INTS13: variants seen among roughly 807,000 people sequenced by gnomAD.
The protein encoded by INTS13 is asunder, spermatogenesis regulator homolog (Drosphila).
In INTS13, 35 loss-of-function variants were observed where a neutral mutation model predicts 90.2. The observed-to-expected ratio is 0.39, with a 90% CI of 0.30 to 0.51. The LOEUF (loss-of-function observed/expected upper bound fraction) is 0.51. Ranked by LOEUF, INTS13 falls within the 20% of genes least tolerant of loss-of-function variation. The probability of loss-of-function intolerance (pLI) is 0.80; values close to 1 mark genes in which losing one functional copy is unlikely to be tolerated. For missense variants in INTS13, 601 were observed against 851.2 expected, an observed-to-expected ratio of 0.71 and a Z score of 3.66; for synonymous variants, 309 against 277.1, an observed-to-expected ratio of 1.11 and a Z score of -1.14.
At chr12:26,910,125 A>G (rs957021120) in intron 15 of INTS13, among the ~76,000 whole-genome samples, 5 of 152,224 alleles carry the variant, frequency 3.3e-5, no homozygotes, top group Non-Finnish European at 7.3e-5. Context: ...GAGGCTTTAC[A>G]GTGAAAATAT....
intron 16 of INTS13, among the ~76,000 whole-genome samples, 161 bp from the exon 17 acceptor site, chr12:26,905,697 T>C (rs1221276043): frequency 2.0e-5 from 3 of 152,182 alleles, no homozygotes; most frequent in African/African-American, 7.2e-5. Context: ...CTAGGCCAAT[T>C]TCTTCATTTT....
At chr12:26,931,322 T>C (rs1938177447) in intron 3 of INTS13, among the ~76,000 whole-genome samples, 1 of 152,058 alleles carries the variant, frequency 6.6e-6, no homozygotes, top group Admixed American at 6.5e-5. Flanking sequence ...CACACACCTG[T>C]AGTCCCAGTT....
intron 3 of INTS13, among the ~76,000 whole-genome samples, chr12:26,932,093 A>C (rs1224054787): frequency 1.3e-5 from 2 of 151,698 alleles, no homozygotes; most frequent in Non-Finnish European, 2.9e-5. Context: ...GTCTCAAAAA[A>C]AAAAAAAAAA....
At chr12:26,927,322 A>T (rs902994059) in intron 5 of INTS13, among the ~76,000 whole-genome samples, 1 of 152,210 alleles carries the variant, frequency 6.6e-6, no homozygotes, top group African/African-American at 2.4e-5. Flanking sequence ...GTCTGCAATA[A>T]CTAATCTGTG....
chr12:26,925,963 A>T, intron 5 of INTS13, 112 bp from the exon 6 acceptor site: 1 of 713,328 alleles, frequency 1.4e-6, no homozygotes, highest in Non-Finnish European at 2.3e-6. Context: ...CTACAATTAG[A>T]TATTACTGTT....
chr12:26,917,663 T>C lies in INTS13; in HGVS notation c.960A>G (p.Thr320=), dbSNP rs1490559856. 6.2e-7 allele frequency: 1 copy of C among 1,613,870 alleles called. No individual in the cohort carries two copies. Among genetic ancestry groups the C allele is most frequent in the East Asian group, 2.2e-5 (1 of 44,864 alleles). ...FKETITLKWC[T]PRTNNIELHY... ...ACCTACCAATGTTATTTGTCCTTGGTGTACACCACTTTAATGTTATTGTTT... is the reference window on the plus strand; with the variant it reads ...ACCTACCAATGTTATTTGTCCTTGGCGTACACCACTTTAATGTTATTGTTT... The change falls in exon 9 of 17, where the codon ACA becomes ACG. Residue 320 remains threonine (T), a synonymous_variant. Coordinates refer to ENST00000261191, the MANE Select transcript of INTS13 (RefSeq NM_018164.3).
chr12:26,909,472 CTTTTT>C (rs756908915), intron 15 of INTS13, among the ~76,000 whole-genome samples: 1 of 127,076 alleles, frequency 7.9e-6, no homozygotes, highest in African/African-American at 3.0e-5. Context: ...AGATAATACT[CTTTTT>C]TTTTTTTTTT....
intron 14 of INTS13, among the ~76,000 whole-genome samples, chr12:26,912,959 G>A (rs1951827264): frequency 6.6e-6 from 1 of 152,000 alleles, no homozygotes; most frequent in African/African-American, 2.4e-5. Flanking sequence ...TCAAACTCCT[G>A]ACCTCAAGTG....
At chr12:26,913,127 A>T (rs1951833921) in intron 14 of INTS13, among the ~76,000 whole-genome samples, 2 of 152,192 alleles carry the variant, frequency 1.3e-5, no homozygotes, top group African/African-American at 4.8e-5. Flanking sequence ...AGCATTCAGT[A>T]AATATTTAGT....
In INTS13 at chr12:26,924,418, C is replaced by T. The variant is rs1358219895; in HGVS notation, c.741G>A (p.Leu247=). 3.7e-6 allele frequency: 6 copies of T among 1,613,330 alleles called. No homozygotes were observed. Among genetic ancestry groups the T allele is most frequent in the Admixed American group, 1.7e-5 (1 of 59,966 alleles). ...VRAGRHLATK[L]NILVQQHFDL... is the part of the protein sequence containing the mutation. ...CAAAATGTTGCTGTACTAAAATATT[C>T]AATTTGGTAGCAAGATGCCGTCCTG... is the stretch of plus-strand genomic sequence containing the variant. The change falls in exon 7 of 17, where the codon TTG becomes TTA. Residue 247 remains leucine (L), a synonymous_variant. Transcript: ENST00000261191.
At chr12:26,926,032 C>T (rs114031159) in intron 5 of INTS13, among the ~76,000 whole-genome samples, 181 bp from the exon 6 acceptor site, 470 of 152,178 alleles carry the variant, frequency 3.1e-3, no homozygotes, top group African/African-American at 9.6e-3. Context: ...TGTATGAACA[C>T]TTAATGAGTA....
At chr12:26,926,361 G>C (rs1028421307) in intron 5 of INTS13, among the ~76,000 whole-genome samples, 1 of 152,140 alleles carries the variant, frequency 6.6e-6, no homozygotes, top group Non-Finnish European at 1.5e-5. Flanking sequence ...CCTTCACCTA[G>C]AGTCACTGTT....
chr12:26,917,825 T>TA, intron 8 of INTS13, 92 bp from the exon 9 acceptor site: 11 of 539,678 alleles, frequency 2.0e-5, no homozygotes, highest in Non-Finnish European at 2.7e-5. Context: ...TGTTTTAATT[T>TA]AAAAAATAAT....
chr12:26,925,368 A>C (rs1362567703), intron 6 of INTS13, among the ~76,000 whole-genome samples: 1 of 152,152 alleles, frequency 6.6e-6, no homozygotes, highest in African/African-American at 2.4e-5. Context: ...TTGGAAAATA[A>C]GATTTTTCCC....
chr12:26,932,937 C>T (rs1368787077), intron 3 of INTS13, among the ~76,000 whole-genome samples: 1 of 152,082 alleles, frequency 6.6e-6, no homozygotes, highest in Non-Finnish European at 1.5e-5. Flanking sequence ...GACTGTCTAG[C>T]TAACTATCAG....
chr12:26,917,987 T>G (rs1452757023), intron 8 of INTS13, among the ~76,000 whole-genome samples: 2 of 152,108 alleles, frequency 1.3e-5, no homozygotes, highest in Non-Finnish European at 2.9e-5. Context: ...CCAGGCGCAG[T>G]GGCAGGTGCC....
At position 26,905,294 on chromosome 12, in the gene INTS13, G is replaced by T; in HGVS notation, c.*203C>A. 2 of 510,296 alleles carry T rather than the reference G, an allele frequency of 3.9e-6. 1 individual carries two copies. Among genetic ancestry groups the T allele is most frequent in the South Asian group, 6.1e-5 (2 of 33,024 alleles). 31.6% of individuals were successfully genotyped at this position (510,296 alleles called of 1,614,324 possible). ...ACCATAAAATAAACTTGTATAATTT[G>T]GGAGGACAAATCATCTCAAATGTAT... On this transcript the variant is annotated 3_prime_UTR_variant, in exon 17 of 17. Coordinates refer to ENST00000261191, the MANE Select transcript of INTS13 (RefSeq NM_018164.3).
rs746765518 is a variant in INTS13 at position 26,913,445 on chromosome 12, C to T, written c.1805+12G>A. 1.2e-6 allele frequency: 2 copies of T among 1,609,408 alleles called. No individual in the cohort carries two copies. Among genetic ancestry groups the T allele is most frequent in the Non-Finnish European group, 1.7e-6 (2 of 1,175,920 alleles). On this transcript the variant is annotated intron_variant, in intron 14 of 16. Transcript: ENST00000261191. ...AAGGCACCATGGTGCTATATCAATG[C>T]CAGGAAGTCACCTCTCTGAGTCTTG... is the stretch of plus-strand genomic sequence containing the variant.
At chr12:26,910,997 G>C (rs547110628) in intron 15 of INTS13, among the ~76,000 whole-genome samples, 181 bp downstream of exon 15, 3 of 151,990 alleles carry the variant, frequency 2.0e-5, no homozygotes, top group African/African-American at 7.2e-5. Context: ...CACCATGCCC[G>C]CCTAATTTTG....
Sources: allele counts gnomAD v4.1 joint callset (sites outside exome capture counted in the v4.1 genomes callset), GRCh38; gene constraint gnomAD v4.1.1; transcripts MANE v1.5; gene names NCBI Gene and HGNC (gene_info 2026-07-23, HGNC 2026-07-21).